Variants in ADAMTSL1 observed in about 807,000 individuals in gnomAD.
ADAMTSL1 encodes the protein ADAMTS-like protein 1.
Under a neutral mutation model 201.8 loss-of-function variants are expected in ADAMTSL1, and 126 were observed. The ratio of observed to expected loss-of-function variants is 0.62; its 90% CI spans 0.54 to 0.72. ADAMTSL1 has a LOEUF of 0.72. Ranked by LOEUF, ADAMTSL1 falls within the 30% of genes least tolerant of loss-of-function variation. The pLI, the probability that ADAMTSL1 is intolerant of heterozygous loss-of-function variation, is 0.00. For synonymous variants in ADAMTSL1, 1,121 were observed against 903.4 expected (o/e 1.24, Z -4.32); for missense variants, 2,679 against 2,277.8 (o/e 1.18, Z -3.59).
intron 4 of ADAMTSL1, among the ~76,000 whole-genome samples, chr9:18,617,243 GTTTA>G (rs1416936197): frequency 6.6e-6 from 1 of 152,126 alleles, no homozygotes; most frequent in Non-Finnish European, 1.5e-5. Context: ...TATGGATTAT[GTTTA>G]TTTATGTTCT....
At chr9:18,770,363 C>G (rs551916281) in intron 16 of ADAMTSL1, among the ~76,000 whole-genome samples, 1 of 152,158 alleles carries the variant, frequency 6.6e-6, no homozygotes, top group South Asian at 2.1e-4. Flanking sequence ...TTTAAAGGCC[C>G]CAGAAATTCC....
rs570081965 is a variant in ADAMTSL1 at position 18,310,369 on chromosome 9, C to CAAAAAAAAAAAAAAAAAAAAAAAAAAA, written c.207+146392_207+146418dup. ...ATTAAACTAAAGAGCTTCTGCATAGCAAAAAAAAAAAAAAAAAAAAAAAAA... is the reference window on the plus strand; with the variant it reads ...ATTAAACTAAAGAGCTTCTGCATAGCAAAAAAAAAAAAAAAAAAAAAAAAAAAAAAAAAAAAAAAAAAAAAAAAAAAA... On this transcript the variant is annotated intron_variant, in intron 2 of 29. Transcript: ENST00000680146. 1.7e-4 allele frequency among the ~76,000 whole-genome samples: 6 copies of CAAAAAAAAAAAAAAAAAAAAAAAAAAA among 35,270 alleles called. 1 individual carries two copies. Among genetic ancestry groups the CAAAAAAAAAAAAAAAAAAAAAAAAAAA allele is most frequent in the South Asian group, 1.8e-3 (1 of 558 alleles). The allele number at this position is 35,270 out of a possible 152,430, so 23.1% of individuals were successfully genotyped here. A position where few individuals can be genotyped will look rare whatever the true frequency, so the allele number is the denominator to read the frequency against.
At chr9:18,343,180 C>A (rs1835548548) in intron 2 of ADAMTSL1, among the ~76,000 whole-genome samples, 1 of 151,872 alleles carries the variant, frequency 6.6e-6, no homozygotes, top group Non-Finnish European at 1.5e-5. Context: ...AAAAGTTTTT[C>A]CTTAACATAT....
At chr9:18,211,433 C>T (rs1437779639) in intron 2 of ADAMTSL1, among the ~76,000 whole-genome samples, 4 of 151,884 alleles carry the variant, frequency 2.6e-5, no homozygotes, top group Admixed American at 6.6e-5. Flanking sequence ...TGTTCTAAAA[C>T]AAAAATTTTA....
At chr9:18,828,418 G>A (rs1206366933) in intron 22 of ADAMTSL1, among the ~76,000 whole-genome samples, 4 of 151,716 alleles carry the variant, frequency 2.6e-5, no homozygotes, top group Admixed American at 2.6e-4. Context: ...GAAGTATTGA[G>A]GAGGAGAGAA....
At chr9:18,471,797 A>G (rs2131748763), upstream of ADAMTSL1, among the ~76,000 whole-genome samples, 1 of 152,314 alleles carries the variant, frequency 6.6e-6, no homozygotes, top group Non-Finnish European at 1.5e-5. Flanking sequence ...CGGTGACTTC[A>G]TTGAGATGAC....
intron 2 of ADAMTSL1, among the ~76,000 whole-genome samples, chr9:18,176,992 T>C (rs1828196564): frequency 6.6e-6 from 1 of 152,244 alleles, no homozygotes; most frequent in Non-Finnish European, 1.5e-5. Context: ...TAGACATTAT[T>C]ATAGTTTGCA....
chr9:18,892,577 C>A lies in ADAMTSL1; in HGVS notation c.4832C>A (p.Ala1611Asp). The A allele has an allele frequency of 6.4e-7, 1 of 1,565,156 alleles. No individual in the cohort carries two copies. The highest frequency in any genetic ancestry group is 8.7e-7 in the Non-Finnish European group (1 of 1,154,608). Residue 1611 changes from alanine (A) to aspartate (D), a missense_variant, in exon 26 of 29, where the codon GCC (alanine) becomes GAC (aspartate). Transcript: ENST00000380548. ...ACNQQLCVEW[A>D]FSSWGQCNGP... ...AACCAGCAGCTGTGTGTGGAGTGGGCCTTCTCCAGCTGGGGCCAGGTGAGG... is the reference window on the plus strand; with the variant it reads ...AACCAGCAGCTGTGTGTGGAGTGGGACTTCTCCAGCTGGGGCCAGGTGAGG...
chr9:17,983,060 C>CTTTTTT, intron 1 of ADAMTSL1, among the ~76,000 whole-genome samples: 1 of 57,914 alleles, frequency 1.7e-5, no homozygotes, highest in Non-Finnish European at 3.8e-5. Flanking sequence ...TTTTTCTTTT[C>CTTTTTT]TTTCTTTCTT....
At chr9:18,684,641 A>T (rs1830713185) in intron 12 of ADAMTSL1, 75 bp from the exon 13 acceptor site, 2 of 1,489,626 alleles carry the variant, frequency 1.3e-6, no homozygotes, top group South Asian at 2.7e-5. Flanking sequence ...CTTGGTGAGG[A>T]GAATAAGGAA....
intron 2 of ADAMTSL1, among the ~76,000 whole-genome samples, chr9:18,369,755 C>T (rs1024451234): frequency 6.6e-6 from 1 of 152,080 alleles, no homozygotes; most frequent in Non-Finnish European, 1.5e-5. Flanking sequence ...CCTAAGTGTC[C>T]ATCAATGGAT....
chr9:17,948,719 A>T (rs1295364725), intron 1 of ADAMTSL1, among the ~76,000 whole-genome samples: 1 of 152,228 alleles, frequency 6.6e-6, no homozygotes, highest in Admixed American at 6.5e-5. Context: ...ATGTTAAAAG[A>T]AACTGGAAAC....
chr9:18,690,254 A>G (rs755911896), intron 13 of ADAMTSL1, among the ~76,000 whole-genome samples: 5 of 152,184 alleles, frequency 3.3e-5, no homozygotes. Context: ...ATTTAAGCAT[A>G]TGTTTTCATT....
At chr9:18,303,516 C>T (rs1012347315) in intron 2 of ADAMTSL1, among the ~76,000 whole-genome samples, 3 of 152,168 alleles carry the variant, frequency 2.0e-5, no homozygotes, top group African/African-American at 7.2e-5. Context: ...CATGAGCGGG[C>T]TTCTTCAGCT....
At chr9:18,117,899 G>A (rs567103756) in intron 1 of ADAMTSL1, among the ~76,000 whole-genome samples, 1 of 152,108 alleles carries the variant, frequency 6.6e-6, no homozygotes, top group Non-Finnish European at 1.5e-5. Context: ...CCACATGAGG[G>A]TTACAAATTT....
rs1382739890 is a variant in ADAMTSL1, at chr9:18,504,871, T to C, written c.106T>C (p.Trp36Arg). The C allele has an allele frequency of 4.3e-6, 7 of 1,613,922 alleles. No homozygotes were observed. The highest frequency in any genetic ancestry group is 1.7e-4 in the Middle Eastern group (1 of 6,060). Residue 36 changes from tryptophan (W) to arginine (R), a missense_variant, in exon 2 of 29, where the codon TGG becomes CGG. Transcript: ENST00000380548. ...CTCCGAGGAGGACCGGGACGGCCTATGGGATGCCTGGGGCCCATGGAGTGA... is the reference window on the plus strand; with the variant it reads ...CTCCGAGGAGGACCGGGACGGCCTACGGGATGCCTGGGGCCCATGGAGTGA... ...ARSEEDRDGL[W>R]DAWGPWSECS...
intron 2 of ADAMTSL1, among the ~76,000 whole-genome samples, chr9:18,403,194 A>AT (rs1264228468): frequency 6.8e-6 from 1 of 146,890 alleles, no homozygotes; most frequent in Admixed American, 6.7e-5. Context: ...TTATTATTTT[A>AT]TTTTTTTGAG....
intron 5 of ADAMTSL1, among the ~76,000 whole-genome samples, chr9:18,630,564 A>C (rs976545143): frequency 6.6e-6 from 1 of 152,124 alleles, no homozygotes; most frequent in Admixed American, 6.6e-5. Flanking sequence ...ACAGGTCTTC[A>C]TACTTCCAAA....
chr9:18,087,735 A>C (rs542842102), intron 1 of ADAMTSL1, among the ~76,000 whole-genome samples: 1 of 152,184 alleles, frequency 6.6e-6, no homozygotes, highest in African/African-American at 2.4e-5. Flanking sequence ...TTCTGTAAAA[A>C]GAAAGGTAGA....
Sources: allele counts gnomAD v4.1 joint callset (sites outside exome capture counted in the v4.1 genomes callset), GRCh38; gene constraint gnomAD v4.1.1; transcripts MANE v1.5; gene names NCBI Gene and HGNC (gene_info 2026-07-23, HGNC 2026-07-21).